Variants in RAPGEF2 observed in about 807,000 individuals in gnomAD.
RAPGEF2 encodes the protein PDZ domain containing guanine nucleotide exchange factor (GEF) 1.
A neutral mutation model predicts 186.7 loss-of-function variants in RAPGEF2; 54 were observed. The ratio of observed to expected loss-of-function variants is 0.29; its 90% CI spans 0.23 to 0.36. The LOEUF (loss-of-function observed/expected upper bound fraction) is 0.36, where lower values mean the gene tolerates loss of function less well. Ranked by LOEUF, RAPGEF2 falls within the 10% of genes least tolerant of loss-of-function variation. RAPGEF2 has a pLI of 1.00. For missense variants in RAPGEF2, 1,532 were observed against 2,045.0 expected (o/e 0.75, Z 4.84); for synonymous variants, 712 against 705.9 (o/e 1.01, Z -0.14).
intron 4 of RAPGEF2, among the ~76,000 whole-genome samples, chr4:159,225,689 T>C (rs1184809965): frequency 6.6e-6 from 1 of 152,190 alleles, no homozygotes; most frequent in Non-Finnish European, 1.5e-5. Context: ...AGTAGATACG[T>C]GGCAGTATTC....
chr4:159,239,034 TTAA>T (rs1400021824), intron 5 of RAPGEF2, 150 bp downstream of exon 5: 2 of 461,362 alleles, frequency 4.3e-6, no homozygotes, highest in African/African-American at 4.2e-5. Context: ...CAACTTTTTA[TTAA>T]TATGAATTTG....
chr4:159,181,316 T>G (rs1437742164), intron 1 of RAPGEF2, among the ~76,000 whole-genome samples: 1 of 152,246 alleles, frequency 6.6e-6, no homozygotes, highest in Non-Finnish European at 1.5e-5. Context: ...CTTAGACTTC[T>G]CCATCCTTTC....
rs1485554258 is a variant in RAPGEF2 at position 159,241,237 on chromosome 4, C to T, written c.394C>T (p.Arg132Trp). 6 of 1,528,344 alleles carry T rather than the reference C, an allele frequency of 3.9e-6. No individual in the cohort carries two copies. The highest frequency in any genetic ancestry group is 4.9e-5 in the East Asian group (2 of 40,782). 94.7% of individuals were successfully genotyped at this position (1,528,344 alleles called of 1,614,324 possible). Residue 132 changes from arginine (R) to tryptophan (W), a missense_variant, in exon 6 of 30, where the codon CGG (arginine) becomes TGG (tryptophan). Arg to Trp is a moderately radical substitution (Grantham distance 101). Around this residue, in one of 4 missense-constraint regions of RAPGEF2, gnomAD observed 810 missense variants for 1,210.5 expected, o/e 0.67. Coordinates refer to ENST00000691494, the MANE Select transcript of RAPGEF2 (RefSeq NM_001394067.2). ...GGATGAAAATGAAGAATATTTTCAG[C>T]GGCAAGCTTCCCATAGACAGTCTCG... ...YMDENEEYFQ[R>W]QASHRQSRRR... is the part of the protein sequence containing the mutation.
rs1371662801 is a variant in RAPGEF2 at position 159,295,742 on chromosome 4, TGTGTGTGTGTGTGC to T, written c.544-8598_544-8585del. Among the ~76,000 whole-genome samples, 223 of 133,498 alleles carry T rather than the reference TGTGTGTGTGTGTGC, an allele frequency of 1.7e-3. 3 individuals are homozygous for T. The highest frequency in any genetic ancestry group is 3.1e-3 in the Admixed American group (45 of 14,370). The allele number at this position is 133,498 out of a possible 152,430, so 87.6% of individuals were successfully genotyped here. Reference sequence around the variant, plus strand: ...GTGAGTGTGTGTGTGTGTGTGTGTGTGTGTGTGTGTGTGCGCGCGCGCGCGCGCGCGCATGCACA... The same window carrying T: ...GTGAGTGTGTGTGTGTGTGTGTGTGTGCGCGCGCGCGCGCGCGCATGCACA... On this transcript the variant is annotated intron_variant, in intron 7 of 29. Transcript: ENST00000691494.
chr4:159,329,826 A>G (rs779614241), intron 11 of RAPGEF2, 32 bp from the exon 12 acceptor site: 3 of 1,588,834 alleles, frequency 1.9e-6, no homozygotes, highest in Non-Finnish European at 2.6e-6. Context: ...CAAGCACTTT[A>G]TCATTAACAT....
At chr4:159,165,580 C>G (rs1359396419) in intron 1 of RAPGEF2, among the ~76,000 whole-genome samples, 1 of 152,072 alleles carries the variant, frequency 6.6e-6, no homozygotes, top group East Asian at 1.9e-4. Context: ...TTCATTTTAG[C>G]ATGTTGGATA....
intron 1 of RAPGEF2, among the ~76,000 whole-genome samples, chr4:159,121,220 C>A (rs747573096): frequency 3.3e-5 from 5 of 152,098 alleles, no homozygotes; most frequent in Non-Finnish European, 5.9e-5. Flanking sequence ...ATGACTTGAT[C>A]TTGATTTCCT....
chr4:159,249,204 G>T (rs531983706), intron 7 of RAPGEF2, among the ~76,000 whole-genome samples: 2 of 150,040 alleles, frequency 1.3e-5, no homozygotes, highest in Non-Finnish European at 2.9e-5. Flanking sequence ...TTTCATCTTC[G>T]ACTGTTTCAT....
intron 1 of RAPGEF2, among the ~76,000 whole-genome samples, chr4:159,127,290 G>C (rs2111115675): frequency 6.6e-6 from 1 of 152,314 alleles, no homozygotes; most frequent in East Asian, 1.9e-4. Context: ...GCCTCCCAAA[G>C]TGCTGGGATT....
At chr4:159,261,562 T>C (rs992859108) in intron 7 of RAPGEF2, among the ~76,000 whole-genome samples, 1 of 152,234 alleles carries the variant, frequency 6.6e-6, no homozygotes, top group East Asian at 1.9e-4. Flanking sequence ...GTGTTTGAGA[T>C]GTTTACAAAG....
At chr4:159,238,240 G>A (rs762565220) in intron 4 of RAPGEF2, among the ~76,000 whole-genome samples, 18 of 152,134 alleles carry the variant, frequency 1.2e-4, no homozygotes, top group Non-Finnish European at 2.4e-4. Flanking sequence ...GGAGGAATGA[G>A]CTTTTAGTAG....
intron 9 of RAPGEF2, among the ~76,000 whole-genome samples, chr4:159,315,295 G>A (rs1764432980): frequency 6.6e-6 from 1 of 151,128 alleles, no homozygotes. Flanking sequence ...TGCTGTTTTT[G>A]TCCTTTTTTT....
intron 20 of RAPGEF2, among the ~76,000 whole-genome samples, chr4:159,342,676 C>T (rs1462962777): frequency 2.0e-5 from 3 of 150,794 alleles, no homozygotes; most frequent in African/African-American, 2.4e-5. Flanking sequence ...CTAAGCACTG[C>T]TATGTGTACA....
rs554692178 is a variant in RAPGEF2, at chr4:159,116,257, C to G, written c.69+12026C>G. The stretch of plus-strand genomic sequence containing the variant: ...ATTTAGAAGAAAAAAACAATCCCTT[C>G]AAAAAGTGGGCAAAGGACATGAACA... On this transcript the variant is annotated intron_variant, in intron 1 of 29. Coordinates refer to ENST00000691494, the MANE Select transcript of RAPGEF2 (RefSeq NM_001394067.2). 1.2e-4 allele frequency among the ~76,000 whole-genome samples: 18 copies of G among 152,226 alleles called. No individual in the cohort carries two copies. In the South Asian group the frequency reaches 2.7e-3, roughly 23 times the overall value.
At chr4:159,345,522 A>G (rs991535833) in intron 24 of RAPGEF2, among the ~76,000 whole-genome samples, 193 bp downstream of exon 24, 25 of 152,222 alleles carry the variant, frequency 1.6e-4, no homozygotes, top group African/African-American at 3.6e-4. Context: ...CGTCATGTCA[A>G]CTGGGTTAGT....
At chr4:159,330,715 T>C (rs1766576159) in intron 13 of RAPGEF2, 2 of 460,958 alleles carry the variant, frequency 4.3e-6, no homozygotes, top group Admixed American at 4.4e-5. Context: ...CAGCCTTCTT[T>C]AAACACAAAG....
chr4:159,337,182 T>G (rs1251826738), intron 17 of RAPGEF2, among the ~76,000 whole-genome samples: 1 of 152,230 alleles, frequency 6.6e-6, no homozygotes, highest in Non-Finnish European at 1.5e-5. Flanking sequence ...ATCAGAGAAT[T>G]AAAAGTGAGT....
intron 9 of RAPGEF2, among the ~76,000 whole-genome samples, chr4:159,316,708 A>G (rs1388333577): frequency 6.6e-6 from 1 of 152,136 alleles, no homozygotes; most frequent in South Asian, 2.1e-4. Context: ...TTCTTTATCC[A>G]TTCTATCATT....
At chr4:159,276,308 A>C (rs1433728020) in intron 7 of RAPGEF2, among the ~76,000 whole-genome samples, 1 of 152,158 alleles carries the variant, frequency 6.6e-6, no homozygotes, top group Non-Finnish European at 1.5e-5. Flanking sequence ...TGTTTTCTTA[A>C]AAGTATACTT....
Sources: allele counts gnomAD v4.1 joint callset (sites outside exome capture counted in the v4.1 genomes callset), GRCh38; gene constraint gnomAD v4.1.1; regional missense constraint gnomAD v4.1.1; transcripts MANE v1.5; gene names NCBI Gene and HGNC (gene_info 2026-07-23, HGNC 2026-07-21).